Variants in SCHIP1 observed in about 807,000 individuals in gnomAD.
The protein encoded by SCHIP1 is schwannomin interacting protein 1.
In SCHIP1, 8 loss-of-function variants were observed where a neutral mutation model predicts 29.7. The ratio of observed to expected loss-of-function variants is 0.27; its 90% CI spans 0.16 to 0.49. The LOEUF (loss-of-function observed/expected upper bound fraction) is 0.49. Ranked by LOEUF, SCHIP1 falls within the 20% of genes least tolerant of loss-of-function variation. The probability of loss-of-function intolerance (pLI) is 0.99; values close to 1 mark genes in which losing one functional copy is unlikely to be tolerated. For synonymous variants in SCHIP1, 76 were observed against 94.9 expected, an observed-to-expected ratio of 0.80 and a Z score of 1.16; for missense variants, 193 against 294.6, an observed-to-expected ratio of 0.66 and a Z score of 2.52.
At chr3:159,575,239 T>G in the SCHIP1 span, among the ~76,000 whole-genome samples, 1 of 152,232 alleles carries the variant, frequency 6.6e-6, no homozygotes, top group Non-Finnish European at 1.5e-5. Flanking sequence ...ATCTTGCGAC[T>G]GTCTTTTAAC....
At chr3:159,754,699 C>T in the SCHIP1 span, among the ~76,000 whole-genome samples, 1 of 152,074 alleles carries the variant, frequency 6.6e-6, no homozygotes, top group Non-Finnish European at 1.5e-5. Context: ...ATAATTATGC[C>T]AGGACAACAA....
At chr3:159,806,586 G>A in the SCHIP1 span, among the ~76,000 whole-genome samples, 1 of 152,244 alleles carries the variant, frequency 6.6e-6, no homozygotes, top group African/African-American at 2.4e-5. Context: ...TAGCTGTGGA[G>A]GGCACCAAAG....
the SCHIP1 span, among the ~76,000 whole-genome samples, chr3:159,562,092 T>A: frequency 2.0e-5 from 3 of 152,338 alleles, no homozygotes; most frequent in Admixed American, 1.3e-4. Flanking sequence ...AGCCTCTGAA[T>A]GCTCCTTAAG....
At chr3:159,368,734 G>A in the SCHIP1 span, among the ~76,000 whole-genome samples, 3 of 145,882 alleles carry the variant, frequency 2.1e-5, no homozygotes, top group Non-Finnish European at 4.5e-5. Flanking sequence ...GAGAGATAGG[G>A]GTAGAGAAAT....
the SCHIP1 span, among the ~76,000 whole-genome samples, chr3:159,364,020 C>T: frequency 1.3e-5 from 2 of 152,208 alleles, no homozygotes; most frequent in African/African-American, 2.4e-5. Context: ...TTCTTTTTCT[C>T]ACAGTGTTGC....
At chr3:159,519,870 A>AT in the SCHIP1 span, among the ~76,000 whole-genome samples, 209 of 148,238 alleles carry the variant, frequency 1.4e-3, no homozygotes, top group Admixed American at 3.9e-3. Flanking sequence ...AGAAAAAAAA[A>AT]ATATATATAT....
At chr3:159,558,928 T>C in the SCHIP1 span, among the ~76,000 whole-genome samples, 2 of 152,118 alleles carry the variant, frequency 1.3e-5, no homozygotes, top group Non-Finnish European at 2.9e-5. Flanking sequence ...TTTATAAATA[T>C]AGTAATGAGC....
the SCHIP1 span, among the ~76,000 whole-genome samples, chr3:159,393,495 G>T: frequency 3.9e-4 from 59 of 151,982 alleles, no homozygotes; most frequent in South Asian, 2.1e-4. Flanking sequence ...TTTGTATAAG[G>T]TGTAAGGGAG....
the SCHIP1 span, among the ~76,000 whole-genome samples, chr3:159,681,211 G>A: frequency 1.3e-5 from 2 of 151,752 alleles, no homozygotes; most frequent in African/African-American, 2.4e-5. Flanking sequence ...AGAGGTGGGA[G>A]TGAGTGAGCA....
At chr3:159,613,629 G>A in the SCHIP1 span, among the ~76,000 whole-genome samples, 3 of 152,104 alleles carry the variant, frequency 2.0e-5, no homozygotes, top group Non-Finnish European at 4.4e-5. Context: ...AAATATGCAG[G>A]GCACTCATTC....
At chr3:159,499,998 T>A in the SCHIP1 span, among the ~76,000 whole-genome samples, 3 of 151,888 alleles carry the variant, frequency 2.0e-5, no homozygotes, top group South Asian at 4.2e-4. Context: ...TTTTTTTTTT[T>A]AAAAGTGACT....
the SCHIP1 span, among the ~76,000 whole-genome samples, chr3:159,652,845 T>C: frequency 6.6e-6 from 1 of 152,178 alleles, no homozygotes; most frequent in Non-Finnish European, 1.5e-5. Flanking sequence ...TCTTTAAAAA[T>C]GATCTATTTC....
intron 1 of SCHIP1, chr3:159,845,295 CA>C (rs1249237918): frequency 2.6e-5 from 4 of 152,132 alleles, no homozygotes; most frequent in African/African-American, 9.7e-5. Flanking sequence ...TTCTCCTTCT[CA>C]GTACATTTTG....
At chr3:159,532,117 A>G in the SCHIP1 span, among the ~76,000 whole-genome samples, 1 of 152,204 alleles carries the variant, frequency 6.6e-6, no homozygotes, top group Non-Finnish European at 1.5e-5. Flanking sequence ...CATATCTCAT[A>G]TGATTGTCTT....
the SCHIP1 span, among the ~76,000 whole-genome samples, chr3:159,668,545 G>A: frequency 6.9e-3 from 1,049 of 152,140 alleles, 12 homozygotes; most frequent in Middle Eastern, 0.024. Flanking sequence ...GGTGGATGGC[G>A]TGTCTCATCA....
chr3:159,576,419 CT>C, the SCHIP1 span, among the ~76,000 whole-genome samples: 1 of 152,070 alleles, frequency 6.6e-6, no homozygotes, highest in Non-Finnish European at 1.5e-5. Context: ...TGTGGCTGCT[CT>C]TTTGATCTTT....
At chr3:159,470,492 A>G in the SCHIP1 span, among the ~76,000 whole-genome samples, 3 of 152,166 alleles carry the variant, frequency 2.0e-5, no homozygotes, top group East Asian at 5.8e-4. Context: ...TTTTGTTCAC[A>G]TTAACAACAG....
At chr3:159,584,555 C>A in the SCHIP1 span, among the ~76,000 whole-genome samples, 7 of 152,202 alleles carry the variant, frequency 4.6e-5, no homozygotes, top group East Asian at 1.4e-3. Flanking sequence ...AGGTCAAATA[C>A]CATGCTTTTT....
At chr3:159,626,544 A>G in the SCHIP1 span, among the ~76,000 whole-genome samples, 1 of 152,198 alleles carries the variant, frequency 6.6e-6, no homozygotes, top group East Asian at 1.9e-4. Flanking sequence ...TGGGGCATGA[A>G]TGACCCATTA....
Sources: gnomAD v4.1 joint callset for allele counts (sites outside exome capture counted in the v4.1 genomes callset) on GRCh38, gnomAD v4.1.1 for gene constraint, MANE v1.5 for transcripts, NCBI Gene and HGNC (gene_info 2026-07-23, HGNC 2026-07-21) for gene names.